MAGI2: variants seen among roughly 807,000 people sequenced by gnomAD.
The protein encoded by MAGI2 is membrane associated guanylate kinase, WW and PDZ domain containing 2, also known as membrane-associated guanylate kinase, WW and PDZ domain-containing protein 2.
In MAGI2, 35 loss-of-function variants were observed where a neutral mutation model predicts 133.3. The ratio of observed to expected loss-of-function variants is 0.26; its 90% confidence interval spans 0.20 to 0.35. MAGI2 has a LOEUF of 0.35. Among genes scored for constraint, MAGI2 ranks in the 10% least tolerant of loss-of-function variants. The pLI, the probability that MAGI2 is intolerant of heterozygous loss-of-function variation, is 1.00. For synonymous variants in MAGI2, 729 were observed against 710.6 expected (o/e 1.03, Z -0.41); for missense variants, 1,636 against 1,863.4 (o/e 0.88, Z 2.25).
intron 21 of MAGI2, chr7:78,065,738 G>A: frequency 5.5e-6 from 3 of 547,100 alleles, no homozygotes; most frequent in Non-Finnish European, 6.4e-6. Flanking sequence ...TATTATTACT[G>A]TTAGAATCAA....
intron 9 of MAGI2, among the ~76,000 whole-genome samples, chr7:78,285,014 G>A (rs1796002599): frequency 6.6e-6 from 1 of 152,138 alleles, no homozygotes; most frequent in African/African-American, 2.4e-5. Context: ...ATAAGGGCTG[G>A]TCAACTGGCC....
intron 1 of MAGI2, among the ~76,000 whole-genome samples, chr7:79,360,429 CA>C (rs151087459): frequency 0.32 from 49,086 of 151,674 alleles, 8,503 homozygotes; most frequent in African/African-American, 0.44. Context: ...ACTAGAACAT[CA>C]AAAAGGAAGA....
chr7:78,490,926 G>T (rs1414545429), intron 5 of MAGI2, among the ~76,000 whole-genome samples: 1 of 152,088 alleles, frequency 6.6e-6, no homozygotes, highest in Non-Finnish European at 1.5e-5. Context: ...CAGTCAGAAG[G>T]CCAATGAATG....
At chr7:79,305,673 G>C (rs1011007079) in intron 1 of MAGI2, among the ~76,000 whole-genome samples, 1 of 152,080 alleles carries the variant, frequency 6.6e-6, no homozygotes, top group Admixed American at 6.6e-5. Flanking sequence ...CACTTTGGAA[G>C]GACAAGGCAG....
intron 9 of MAGI2, among the ~76,000 whole-genome samples, chr7:78,307,874 G>T (rs1798371668): frequency 6.6e-6 from 1 of 152,306 alleles, no homozygotes; most frequent in Middle Eastern, 3.4e-3. Flanking sequence ...GATGAGAGGA[G>T]TCTTTGAAAA....
intron 3 of MAGI2, among the ~76,000 whole-genome samples, chr7:78,570,647 C>T (rs527804801): frequency 1.3e-5 from 2 of 152,122 alleles, no homozygotes; most frequent in Admixed American, 1.3e-4. Flanking sequence ...GCTATGGTTC[C>T]ACAAAATTTA....
intron 10 of MAGI2, among the ~76,000 whole-genome samples, chr7:78,218,617 A>G (rs1251830469): frequency 6.6e-6 from 1 of 152,220 alleles, no homozygotes; most frequent in African/African-American, 2.4e-5. Flanking sequence ...AAGCCTGCAA[A>G]CAATGTTGGC....
At chr7:78,837,712 A>C (rs1791767036) in intron 2 of MAGI2, among the ~76,000 whole-genome samples, 1 of 152,150 alleles carries the variant, frequency 6.6e-6, no homozygotes, top group African/African-American at 2.4e-5. Flanking sequence ...AATTTTATCA[A>C]TGGATTTAAG....
intron 2 of MAGI2, among the ~76,000 whole-genome samples, chr7:78,731,239 A>C (rs1821344028): frequency 6.6e-6 from 1 of 152,144 alleles, no homozygotes; most frequent in Non-Finnish European, 1.5e-5. Flanking sequence ...AGTTCAGGTA[A>C]ACATGACATT....
chr7:79,162,456 C>T (rs1042136801), intron 1 of MAGI2, among the ~76,000 whole-genome samples: 4 of 152,034 alleles, frequency 2.6e-5, no homozygotes, highest in Admixed American at 6.6e-5. Flanking sequence ...GAGGTGAGTG[C>T]GTGAAATTTT....
chr7:78,888,039 C>T (rs1796409894), intron 2 of MAGI2, among the ~76,000 whole-genome samples: 1 of 152,216 alleles, frequency 6.6e-6, no homozygotes, highest in African/African-American at 2.4e-5. Context: ...CCTAATACTG[C>T]ACTTTTCCAA....
At chr7:78,363,453 A>G (rs367880247) in intron 7 of MAGI2, among the ~76,000 whole-genome samples, 1 of 151,142 alleles carries the variant, frequency 6.6e-6, no homozygotes, top group South Asian at 2.1e-4. Context: ...AGATCGCGCC[A>G]CTGCACTCCA....
At chr7:78,497,569 A>G (rs1321966069) in intron 5 of MAGI2, among the ~76,000 whole-genome samples, 1 of 152,202 alleles carries the variant, frequency 6.6e-6, no homozygotes, top group Non-Finnish European at 1.5e-5. Flanking sequence ...ACATAAACCA[A>G]TAAATATTTC....
chr7:78,747,690 C>A (rs1823056394), intron 2 of MAGI2, among the ~76,000 whole-genome samples: 1 of 152,152 alleles, frequency 6.6e-6, no homozygotes, highest in Non-Finnish European at 1.5e-5. Context: ...GCCCTGATCT[C>A]ACTAGAAGGT....
intron 9 of MAGI2, among the ~76,000 whole-genome samples, chr7:78,340,927 A>G (rs1435667192): frequency 6.6e-6 from 1 of 152,232 alleles, no homozygotes. Flanking sequence ...CACCACTCCT[A>G]TTCAACATAG....
chr7:79,072,821 G>A (rs1380362396), intron 1 of MAGI2, among the ~76,000 whole-genome samples: 1 of 152,174 alleles, frequency 6.6e-6, no homozygotes, highest in African/African-American at 2.4e-5. Flanking sequence ...AAGCAGAAAT[G>A]CTTTGTAAAA....
intron 3 of MAGI2, among the ~76,000 whole-genome samples, chr7:78,546,512 A>T (rs979295683): frequency 6.6e-5 from 10 of 152,208 alleles, no homozygotes; most frequent in Admixed American, 2.0e-4. Context: ...AATTCTAAAA[A>T]TTCTAAATTA....
At chr7:78,474,879 A>G (rs114318274) in intron 6 of MAGI2, among the ~76,000 whole-genome samples, 33 of 151,944 alleles carry the variant, frequency 2.2e-4, no homozygotes, top group African/African-American at 6.5e-4. Context: ...GTCAATTCAA[A>G]GGAGAATACT....
chr7:79,169,627 A>G (rs1454594369), intron 1 of MAGI2, among the ~76,000 whole-genome samples: 2 of 151,622 alleles, frequency 1.3e-5, no homozygotes, highest in Non-Finnish European at 2.9e-5. Context: ...TCTAAAGGAG[A>G]TACTTTATGT....
Sources: allele counts gnomAD v4.1 joint callset (sites outside exome capture counted in the v4.1 genomes callset), GRCh38; gene constraint gnomAD v4.1.1; transcripts MANE v1.5; gene names NCBI Gene and HGNC (gene_info 2026-07-23, HGNC 2026-07-21).